Variants in MECOM observed in about 807,000 individuals in gnomAD.
MECOM encodes the protein MDS1 and EVI1 complex locus.
A neutral mutation model predicts 116.3 loss-of-function variants in MECOM; 13 were observed. The ratio of observed to expected loss-of-function variants is 0.11; its 90% CI spans 0.07 to 0.18. The LOEUF (loss-of-function observed/expected upper bound fraction) is 0.18. Among genes scored for constraint, MECOM ranks in the 10% least tolerant of loss-of-function variants. The pLI, the probability that MECOM is intolerant of heterozygous loss-of-function variation, is 1.00. For synonymous variants in MECOM, 528 were observed against 535.2 expected (o/e 0.99, Z 0.19); for missense variants, 1,299 against 1,509.0 (o/e 0.86, Z 2.31).
chr3:169,584,465 T>C (rs1001641801), intron 1 of MECOM, among the ~76,000 whole-genome samples: 14 of 150,240 alleles, frequency 9.3e-5, no homozygotes, highest in Middle Eastern at 6.9e-3. Flanking sequence ...CTCAGGAGGC[T>C]GAGGCAGGAG....
At chr3:169,189,175 T>A (rs564304706) in intron 2 of MECOM, among the ~76,000 whole-genome samples, 1 of 152,236 alleles carries the variant, frequency 6.6e-6, no homozygotes, top group South Asian at 2.1e-4. Context: ...CCTATGTTGC[T>A]TTAACAGTTA....
At chr3:169,118,761 A>T (rs1243096410) in intron 7 of MECOM, among the ~76,000 whole-genome samples, 1 of 151,934 alleles carries the variant, frequency 6.6e-6, no homozygotes, top group Non-Finnish European at 1.5e-5. Context: ...CTATTGGAGT[A>T]ACAGAAGTTC....
At chr3:169,221,402 TCTG>T (rs1577383298) in intron 2 of MECOM, among the ~76,000 whole-genome samples, 1 of 152,190 alleles carries the variant, frequency 6.6e-6, no homozygotes, top group East Asian at 1.9e-4. Flanking sequence ...CATACTTCTA[TCTG>T]GCTACACAAT....
rs562654271 is a variant in MECOM, at chr3:169,225,216, A to C, written c.376-81384T>G. Reference sequence around the variant, plus strand: ...ATAATAAAAATATAGACACTATGAGAAAAATGTTAAATGCATCCTAAATAC... The same window carrying C: ...ATAATAAAAATATAGACACTATGAGCAAAATGTTAAATGCATCCTAAATAC... On this transcript the variant is annotated intron_variant, in intron 2 of 16. Coordinates refer to ENST00000651503, the MANE Select transcript of MECOM (RefSeq NM_004991.4). Among the ~76,000 whole-genome samples, 476 of 152,340 alleles carry C rather than the reference A, an allele frequency of 3.1e-3. 3 individuals are homozygous for C. Among genetic ancestry groups the C allele is most frequent in the African/African-American group, 0.011 (457 of 41,580 alleles).
At chr3:169,616,398 T>C (rs1282622660) in intron 1 of MECOM, among the ~76,000 whole-genome samples, 1 of 152,092 alleles carries the variant, frequency 6.6e-6, no homozygotes, top group Non-Finnish European at 1.5e-5. Flanking sequence ...CAGGCTGGAG[T>C]ACAGTGGCAC....
chr3:169,476,690 C>T (rs754966970), intron 1 of MECOM, among the ~76,000 whole-genome samples: 11 of 151,986 alleles, frequency 7.2e-5, no homozygotes, highest in Non-Finnish European at 1.3e-4. Flanking sequence ...CCCCCTTCTC[C>T]CCCTTCCCTT....
chr3:169,230,228 CCT>C (rs544620145), intron 2 of MECOM, among the ~76,000 whole-genome samples: 27 of 145,334 alleles, frequency 1.9e-4, no homozygotes, highest in Middle Eastern at 3.5e-3. Flanking sequence ...CTCTAAATTT[CCT>C]CTTTTAGTGC....
chr3:169,425,602 T>C (rs988829759), intron 1 of MECOM, among the ~76,000 whole-genome samples: 16 of 152,170 alleles, frequency 1.1e-4, no homozygotes, highest in African/African-American at 3.6e-4. Flanking sequence ...CCGACCACTA[T>C]ATTACTTTAC....
chr3:169,468,258 G>T (rs1287948379), intron 1 of MECOM, among the ~76,000 whole-genome samples: 2 of 151,588 alleles, frequency 1.3e-5, no homozygotes, highest in African/African-American at 4.9e-5. Context: ...GATAACTCCT[G>T]CCCCTTCCTT....
intron 1 of MECOM, among the ~76,000 whole-genome samples, chr3:169,641,918 G>A (rs922973663): frequency 1.3e-5 from 2 of 152,232 alleles, no homozygotes; most frequent in African/African-American, 2.4e-5. Flanking sequence ...TATGACAGCT[G>A]TAAGATTATT....
At chr3:169,502,398 G>A (rs1054750025) in intron 1 of MECOM, among the ~76,000 whole-genome samples, 2 of 152,058 alleles carry the variant, frequency 1.3e-5, no homozygotes, top group African/African-American at 4.8e-5. Flanking sequence ...CTTGACTACT[G>A]TCCCATTTCC....
intron 1 of MECOM, among the ~76,000 whole-genome samples, chr3:169,511,800 T>A (rs528680540): frequency 2.8e-4 from 43 of 152,234 alleles, no homozygotes; most frequent in Admixed American, 9.2e-4. Flanking sequence ...AAATTTTTTT[T>A]AAAGTATTCT....
intron 1 of MECOM, among the ~76,000 whole-genome samples, chr3:169,434,557 G>A (rs903779756): frequency 9.2e-5 from 14 of 151,904 alleles, no homozygotes; most frequent in Non-Finnish European, 2.1e-4. Context: ...AAGAATCATG[G>A]ACTATCAAAA....
intron 2 of MECOM, among the ~76,000 whole-genome samples, chr3:169,251,665 C>T (rs1756253046): frequency 6.6e-6 from 1 of 152,166 alleles, no homozygotes; most frequent in Admixed American, 6.5e-5. Flanking sequence ...TGAATTCAGT[C>T]TTGGCCAAGT....
intron 2 of MECOM, among the ~76,000 whole-genome samples, chr3:169,300,080 C>T (rs1716425822): frequency 6.6e-6 from 1 of 152,180 alleles, no homozygotes; most frequent in Non-Finnish European, 1.5e-5. Context: ...TAACTGAGTG[C>T]ACTCTGATAA....
intron 1 of MECOM, among the ~76,000 whole-genome samples, chr3:169,601,953 C>G (rs1013533849): frequency 2.6e-5 from 4 of 152,166 alleles, no homozygotes; most frequent in African/African-American, 9.7e-5. Flanking sequence ...AAATCCACTG[C>G]TGACAATAAA....
At chr3:169,621,515 G>C (rs1770720684) in intron 1 of MECOM, among the ~76,000 whole-genome samples, 1 of 152,180 alleles carries the variant, frequency 6.6e-6, no homozygotes, top group Admixed American at 6.5e-5. Context: ...CCAACACTTT[G>C]GGAGGCCAAG....
chr3:169,540,108 T>A (rs1018164355), intron 1 of MECOM, among the ~76,000 whole-genome samples: 2 of 152,202 alleles, frequency 1.3e-5, no homozygotes, highest in African/African-American at 4.8e-5. Flanking sequence ...CATCTGAATC[T>A]TCAGGCCTCA....
At chr3:169,334,221 C>T (rs1047523097) in intron 2 of MECOM, among the ~76,000 whole-genome samples, 1 of 152,070 alleles carries the variant, frequency 6.6e-6, no homozygotes, top group Non-Finnish European at 1.5e-5. Context: ...CTCCTTTAAA[C>T]ACCAATATCA....
Sources: allele counts gnomAD v4.1 joint callset (sites outside exome capture counted in the v4.1 genomes callset), GRCh38; gene constraint gnomAD v4.1.1; transcripts MANE v1.5; gene names NCBI Gene and HGNC (gene_info 2026-07-23, HGNC 2026-07-21).